ZFAND3: variants seen among roughly 807,000 people sequenced by gnomAD.
The protein encoded by ZFAND3 is AN1-type zinc finger protein 3.
In ZFAND3, 10 loss-of-function variants were observed where a neutral mutation model predicts 29.6. That is an observed-to-expected ratio of 0.34 (90% CI 0.21 to 0.57). The LOEUF (loss-of-function observed/expected upper bound fraction) is 0.57. ZFAND3 is among the 20% of genes least tolerant of loss of function. The probability of loss-of-function intolerance (pLI) is 0.86; values close to 1 mark genes in which losing one functional copy is unlikely to be tolerated. For synonymous variants in ZFAND3, 128 were observed against 112.6 expected (o/e 1.14, Z -0.87); for missense variants, 230 against 304.5 (o/e 0.76, Z 1.82).
chr6:38,135,735 A>C (rs1359179452), intron 5 of ZFAND3, among the ~76,000 whole-genome samples: 1 of 151,694 alleles, frequency 6.6e-6, no homozygotes, highest in East Asian at 1.9e-4. Context: ...ACAGAGCAAG[A>C]CTCCATCTCA....
chr6:37,931,588 A>G (rs559923215), intron 2 of ZFAND3, among the ~76,000 whole-genome samples: 116 of 152,088 alleles, frequency 7.6e-4, no homozygotes, highest in African/African-American at 2.6e-3. Flanking sequence ...AAAAAAAGAA[A>G]TGTTAGTGTG....
At chr6:37,861,595 AAAGT>A (rs1764492017) in intron 1 of ZFAND3, among the ~76,000 whole-genome samples, 1 of 152,238 alleles carries the variant, frequency 6.6e-6, no homozygotes, top group Non-Finnish European at 1.5e-5. Flanking sequence ...ACAGGTGAAG[AAAGT>A]AAGACTTACA....
chr6:38,038,878 C>G (rs1245938816), intron 2 of ZFAND3, among the ~76,000 whole-genome samples: 1 of 152,196 alleles, frequency 6.6e-6, no homozygotes, highest in African/African-American at 2.4e-5. Context: ...CTCTCAGAAG[C>G]TGTTGGATCC....
chr6:37,964,197 A>G (rs1460748801), intron 2 of ZFAND3, among the ~76,000 whole-genome samples: 2 of 152,210 alleles, frequency 1.3e-5, no homozygotes, highest in Admixed American at 1.3e-4. Flanking sequence ...GTAATAAAGT[A>G]AAAGAGATAT....
intron 1 of ZFAND3, among the ~76,000 whole-genome samples, chr6:37,880,654 C>G (rs1033163822): frequency 6.6e-6 from 1 of 151,902 alleles, no homozygotes; most frequent in Admixed American, 6.6e-5. Flanking sequence ...TACAAAACAT[C>G]TTTCATGAAG....
chr6:37,833,506 G>A (rs1171163558), intron 1 of ZFAND3, among the ~76,000 whole-genome samples: 2 of 151,876 alleles, frequency 1.3e-5, no homozygotes, highest in South Asian at 2.1e-4. Flanking sequence ...AACATTTCAA[G>A]TGTGTACTTT....
chr6:38,147,860 C>T (rs1766142399), intron 5 of ZFAND3, among the ~76,000 whole-genome samples: 1 of 151,858 alleles, frequency 6.6e-6, no homozygotes, highest in Non-Finnish European at 1.5e-5. Context: ...TGGATATAGT[C>T]CCCTGTCAGA....
chr6:37,877,262 G>A (rs1263081122), intron 1 of ZFAND3, among the ~76,000 whole-genome samples: 1 of 152,148 alleles, frequency 6.6e-6, no homozygotes, highest in African/African-American at 2.4e-5. Flanking sequence ...AGTCCTTAGT[G>A]CAGCATTGTC....
chr6:38,089,747 A>G (rs1267959850), intron 4 of ZFAND3, among the ~76,000 whole-genome samples: 1 of 152,196 alleles, frequency 6.6e-6, no homozygotes, highest in East Asian at 1.9e-4. Context: ...CAGCCAGTAC[A>G]TTTAATCCTA....
intron 1 of ZFAND3, among the ~76,000 whole-genome samples, chr6:37,831,429 C>G (rs1763858985): frequency 6.6e-6 from 1 of 152,220 alleles, no homozygotes; most frequent in African/African-American, 2.4e-5. Context: ...GTTAAGCACT[C>G]TATTGTGTGT....
chr6:37,896,560 TTCTTTCTTTCTCTCTTTC>T (rs1302506780), intron 1 of ZFAND3, among the ~76,000 whole-genome samples: 1 of 148,408 alleles, frequency 6.7e-6, no homozygotes, highest in Non-Finnish European at 1.5e-5. Flanking sequence ...CTTTCTTTCT[TTCTTTCTTTCTCTCTTTC>T]TCTCTCTTTC....
intron 2 of ZFAND3, among the ~76,000 whole-genome samples, chr6:38,047,265 A>G (rs534269500): frequency 6.6e-6 from 1 of 151,896 alleles, no homozygotes; most frequent in East Asian, 1.9e-4. Flanking sequence ...CAGTGAGCCA[A>G]GATCACGCCA....
chr6:38,069,827 C>T (rs1764417466), intron 3 of ZFAND3, among the ~76,000 whole-genome samples: 1 of 152,186 alleles, frequency 6.6e-6, no homozygotes, highest in Admixed American at 6.5e-5. Context: ...ATCTGACCTT[C>T]CATTTGTAGT....
At chr6:37,877,318 GA>G (rs928160775) in intron 1 of ZFAND3, among the ~76,000 whole-genome samples, 3 of 152,156 alleles carry the variant, frequency 2.0e-5, no homozygotes, top group Non-Finnish European at 2.9e-5. Flanking sequence ...GATTATCATG[GA>G]AATTGATTGT....
At chr6:38,050,333 C>T (rs907683027) in intron 2 of ZFAND3, among the ~76,000 whole-genome samples, 2 of 152,028 alleles carry the variant, frequency 1.3e-5, no homozygotes, top group Non-Finnish European at 2.9e-5. Flanking sequence ...TGGCCTGGAA[C>T]TCCTGGGCTC....
intron 2 of ZFAND3, among the ~76,000 whole-genome samples, chr6:37,962,793 A>G (rs765238397): frequency 6.6e-6 from 1 of 152,186 alleles, no homozygotes; most frequent in Non-Finnish European, 1.5e-5. Flanking sequence ...ACGCTGTGGA[A>G]GCTTTGTTCT....
At chr6:37,849,641 G>T (rs1005355955) in intron 1 of ZFAND3, among the ~76,000 whole-genome samples, 3 of 151,970 alleles carry the variant, frequency 2.0e-5, no homozygotes, top group African/African-American at 7.2e-5. Flanking sequence ...AACTCCTGAC[G>T]TCAGGTGATC....
rs1015470828 is a variant in ZFAND3, at chr6:38,153,215, C to T, written c.*826C>T. On this transcript the variant is annotated 3_prime_UTR_variant, in exon 6 of 6. Transcript: ENST00000287218. ...AGATGTGGCGAATGGCAGCACAGCG[C>T]GGTGGCTGGGTCTGCACACTGGCCT... is the stretch of plus-strand genomic sequence containing the variant. The T allele has an allele frequency of 5.1e-6, 5 of 985,462 alleles. No homozygotes were observed. The highest frequency in any genetic ancestry group is 3.5e-5 in the African/African-American group (2 of 57,368). The allele number at this position is 985,462 out of a possible 1,614,324, so 61.0% of individuals were successfully genotyped here.
At chr6:38,061,202 T>C (rs1165721340) in intron 2 of ZFAND3, among the ~76,000 whole-genome samples, 1 of 152,240 alleles carries the variant, frequency 6.6e-6, no homozygotes, top group African/African-American at 2.4e-5. Flanking sequence ...CATCTTATTA[T>C]GTGTTTTCTG....
Sources: gnomAD v4.1 joint callset for allele counts (sites outside exome capture counted in the v4.1 genomes callset) on GRCh38, gnomAD v4.1.1 for gene constraint, MANE v1.5 for transcripts, NCBI Gene and HGNC (gene_info 2026-07-23, HGNC 2026-07-21) for gene names.